The following GRIP2 variants were observed in gnomAD, a reference collection of about 807,000 sequenced individuals.
GRIP2 encodes the protein glutamate receptor-interacting protein 2.
GRIP2 carries 58 observed loss-of-function variants against 108.3 expected under a neutral mutation model. The observed-to-expected ratio is 0.54, with a 90% confidence interval of 0.43 to 0.67. GRIP2 has a LOEUF of 0.67. Ranked by LOEUF, GRIP2 falls within the 30% of genes least tolerant of loss-of-function variation. The pLI, the probability that GRIP2 is intolerant of heterozygous loss-of-function variation, is 0.00. For synonymous variants in GRIP2, 586 were observed against 598.2 expected (o/e 0.98, Z 0.30); for missense variants, 1,278 against 1,430.6 (o/e 0.89, Z 1.72).
chr3:14,603,014 T>TCGCCAGCCCGGCCCCGGCCC, the GRIP2 span, among the ~76,000 whole-genome samples: 4 of 145,626 alleles, frequency 2.7e-5, no homozygotes, highest in African/African-American at 7.4e-5. Flanking sequence ...CGGCCCGGCC[T>TCGCCAGCCCGGCCCCGGCCC]CGCCAGCCCG....
chr3:14,574,236 C>T, the GRIP2 span: 3 of 875,296 alleles, frequency 3.4e-6, no homozygotes, highest in Non-Finnish European at 5.8e-6. Flanking sequence ...CTCGATCTGT[C>T]GCTTGACGAA....
At chr3:14,531,249 G>T (rs1359367710) in intron 1 of GRIP2, among the ~76,000 whole-genome samples, 1 of 152,022 alleles carries the variant, frequency 6.6e-6, no homozygotes, top group Non-Finnish European at 1.5e-5. Context: ...TATTGGACTG[G>T]CCAGACCTCC....
intron 23 of GRIP2, 129 bp from the exon 24 acceptor site, chr3:14,493,955 C>T: frequency 1.2e-6 from 1 of 822,946 alleles, no homozygotes; most frequent in East Asian, 2.9e-5. Flanking sequence ...ACATCACCAG[C>T]ACCACACACA....
Position 14,505,764 on chromosome 3 carries a change from G to C in GRIP2, c.2424C>G (p.Ala808=). ...GPGSYTPQAA[A]RGTTPQERRP... ...TCCGCTCCTGGGGGGTCGTGCCCCG[G>C]GCTGCTGCCTGTGGTGTATAGGACC... The change falls in exon 20 of 24, where the codon GCC becomes GCG. Residue 808 remains alanine (A), a synonymous_variant. Transcript: ENST00000621039. This position sits in a 1 kb window ranked among gnomAD's most constrained non-coding sequence, Gnocchi z 4.2. 6.4e-7 allele frequency: 1 copy of C among 1,566,522 alleles called. No homozygotes were observed. Among genetic ancestry groups the C allele is most frequent in the Non-Finnish European group, 8.6e-7 (1 of 1,156,196 alleles).
At chr3:14,591,054 T>A in the GRIP2 span, among the ~76,000 whole-genome samples, 1 of 152,094 alleles carries the variant, frequency 6.6e-6, no homozygotes, top group Non-Finnish European at 1.5e-5. Context: ...CATGTGCACC[T>A]CACACAGCTA....
the GRIP2 span, chr3:14,601,949 G>A: frequency 6.6e-5 from 10 of 152,276 alleles, no homozygotes; most frequent in African/African-American, 2.4e-4. Flanking sequence ...CCTTGGGCAA[G>A]GGGCTTTACC....
chr3:14,526,042 C>G, intron 1 of GRIP2, 111 bp from the exon 2 acceptor site: 1 of 871,632 alleles, frequency 1.1e-6, no homozygotes, highest in South Asian at 1.4e-5. Flanking sequence ...AAGATGGGTT[C>G]CCTCCTGCCA....
intron 1 of GRIP2, among the ~76,000 whole-genome samples, chr3:14,537,095 C>T (rs1185363292): frequency 6.6e-6 from 1 of 152,216 alleles, no homozygotes; most frequent in South Asian, 2.1e-4. Flanking sequence ...CCTATGGGCC[C>T]ACCCCACCTT....
At chr3:14,595,225 T>C in the GRIP2 span, among the ~76,000 whole-genome samples, 1 of 151,858 alleles carries the variant, frequency 6.6e-6, no homozygotes, top group African/African-American at 2.4e-5. Context: ...AGAGATGATG[T>C]CTATGTTGCC....
At chr3:14,556,191 G>A (rs958398736), upstream of GRIP2, 2 of 388,854 alleles carry the variant, frequency 5.1e-6, no homozygotes, top group East Asian at 3.6e-5. Flanking sequence ...GTGCAGTGCC[G>A]GATGTTCTAG....
chr3:14,583,135 T>C, the GRIP2 span, among the ~76,000 whole-genome samples: 1 of 152,212 alleles, frequency 6.6e-6, no homozygotes, highest in Non-Finnish European at 1.5e-5. Context: ...CCAGCTTTCT[T>C]TCGGCTCTGG....
chr3:14,599,681 CTCTCTGTGTG>C, the GRIP2 span, among the ~76,000 whole-genome samples: 121 of 130,586 alleles, frequency 9.3e-4, 2 homozygotes, highest in East Asian at 9.3e-3. Flanking sequence ...CTCTCTCTCT[CTCTCTGTGTG>C]TGTGTGTGTG....
chr3:14,578,327 A>C, the GRIP2 span, among the ~76,000 whole-genome samples: 1 of 152,196 alleles, frequency 6.6e-6, no homozygotes, highest in Non-Finnish European at 1.5e-5. Context: ...TCTGAGCCTC[A>C]GTTCTTCATC....
chr3:14,524,469 G>T lies in GRIP2; in HGVS notation c.327C>A (p.His109Gln). The T allele has an allele frequency of 1.3e-6, 2 of 1,588,488 alleles. No homozygotes were observed. Among genetic ancestry groups the T allele is most frequent in the Non-Finnish European group, 1.7e-6 (2 of 1,167,308 alleles). Residue 109 changes from histidine (H) to glutamine (Q), a missense_variant, in exon 4 of 24, where the codon CAC becomes CAA. By Grantham distance (24) the His-to-Gln change is conservative. Coordinates refer to ENST00000621039, the MANE Select transcript of GRIP2 (RefSeq NM_001080423.4). The part of the protein sequence containing the change: ...VNGIHLTRLR[H>Q]DEIITLLKNV... The stretch of plus-strand genomic sequence containing the variant: ...TCTTGAGCAGGGTGATGATCTCATC[G>T]TGGCGGAGCCTGGTCAGGTGGATCC...
chr3:14,599,314 A>T, the GRIP2 span, among the ~76,000 whole-genome samples: 1 of 152,220 alleles, frequency 6.6e-6, no homozygotes, highest in South Asian at 2.1e-4. Context: ...TTAGAGACAG[A>T]AAGGGCCAGC....
the GRIP2 span, among the ~76,000 whole-genome samples, chr3:14,594,343 C>T: frequency 6.6e-6 from 1 of 152,228 alleles, no homozygotes; most frequent in East Asian, 1.9e-4. Flanking sequence ...GGATATGGAT[C>T]AGATGCCCCA....
chr3:14,576,234 C>T, the GRIP2 span, among the ~76,000 whole-genome samples: 1 of 152,210 alleles, frequency 6.6e-6, no homozygotes, highest in Non-Finnish European at 1.5e-5. Context: ...ACAGGCTGAG[C>T]CTTCCACGCA....
At chr3:14,528,509 T>A (rs1694622696) in intron 1 of GRIP2, among the ~76,000 whole-genome samples, 1 of 152,184 alleles carries the variant, frequency 6.6e-6, no homozygotes, top group African/African-American at 2.4e-5. Flanking sequence ...GTAAAAGAGT[T>A]TCAATCGCTG....
At chr3:14,519,166 A>G (rs1253849890) in intron 9 of GRIP2, among the ~76,000 whole-genome samples, 1 of 152,200 alleles carries the variant, frequency 6.6e-6, no homozygotes, top group Admixed American at 6.5e-5. Context: ...TGTCACCCAG[A>G]CCAGTCCCTG....
Sources: gnomAD v4.1 joint callset for allele counts (sites outside exome capture counted in the v4.1 genomes callset) on GRCh38, gnomAD v4.1.1 for gene constraint, Gnocchi (gnomAD v3.1) non-coding constraint, MANE v1.5 for transcripts, NCBI Gene and HGNC (gene_info 2026-07-23, HGNC 2026-07-21) for gene names.